The following ZNF532 variants were observed in gnomAD, a reference collection of about 807,000 sequenced individuals.
The protein encoded by ZNF532 is zinc finger protein 532.
In ZNF532, 22 loss-of-function variants were observed where a neutral mutation model predicts 89.3. The observed-to-expected ratio is 0.25, with a 90% CI of 0.18 to 0.35. The LOEUF is 0.35. ZNF532 is among the 10% of genes least tolerant of loss of function. The pLI is 1.00. For missense variants in ZNF532, 1,132 were observed against 1,643.4 expected, an observed-to-expected ratio of 0.69 and a Z score of 5.38; for synonymous variants, 606 against 649.6, an observed-to-expected ratio of 0.93 and a Z score of 1.02.
At chr18:58,934,660 C>A (rs778009440) in intron 4 of ZNF532, 46 bp downstream of exon 4, 4 of 1,565,096 alleles carry the variant, frequency 2.6e-6, no homozygotes, top group Non-Finnish European at 3.5e-6. Flanking sequence ...CGTTCACTTA[C>A]AACCGCACAG....
intron 7 of ZNF532, among the ~76,000 whole-genome samples, chr18:58,970,819 C>T (rs1452161052): frequency 6.6e-6 from 1 of 152,264 alleles, no homozygotes; most frequent in Non-Finnish European, 1.5e-5. Context: ...GAGGTGGACA[C>T]AGAGGCCCCT....
At chr18:58,932,816 T>A (rs1191296266) in intron 3 of ZNF532, among the ~76,000 whole-genome samples, 2 of 152,162 alleles carry the variant, frequency 1.3e-5, no homozygotes, top group African/African-American at 4.8e-5. Flanking sequence ...CCAATCTATA[T>A]ATTTTAATAT....
intron 2 of ZNF532, among the ~76,000 whole-genome samples, chr18:58,911,619 C>T (rs930598081): frequency 5.3e-5 from 8 of 152,078 alleles, no homozygotes; most frequent in African/African-American, 1.4e-4. Context: ...CCCAGAAGTT[C>T]GAGGCTGCAG....
At chr18:58,908,458 G>A (rs1452103891) in intron 2 of ZNF532, among the ~76,000 whole-genome samples, 2 of 152,084 alleles carry the variant, frequency 1.3e-5, no homozygotes, top group Non-Finnish European at 2.9e-5. Flanking sequence ...AAATAAACAG[G>A]AAATTCATCA....
chr18:58,886,038 G>T (rs12458643), intron 2 of ZNF532, among the ~76,000 whole-genome samples: 12,944 of 151,870 alleles, frequency 0.085, 1,091 homozygotes, highest in East Asian at 0.41. Context: ...GTGTAGTGGC[G>T]CCATCTCAGC....
chr18:58,895,851 T>G (rs2059210891), intron 2 of ZNF532, among the ~76,000 whole-genome samples: 1 of 148,460 alleles, frequency 6.7e-6, no homozygotes, highest in Non-Finnish European at 1.5e-5. Context: ...CTTTCTTTCT[T>G]TCTTTCTTTT....
intron 2 of ZNF532, among the ~76,000 whole-genome samples, chr18:58,897,326 GTTC>G (rs1270798710): frequency 6.6e-6 from 1 of 152,072 alleles, no homozygotes; most frequent in Non-Finnish European, 1.5e-5. Context: ...ACTGAGCAAG[GTTC>G]TTCTAAATGC....
rs776006583 is a variant in ZNF532 at position 58,918,538 on chromosome 18, C to T, written c.251C>T (p.Pro84Leu). Reference sequence around the variant, plus strand: ...GGCGGGGAGAAAGACGGCCACAACCCCACTGGCAATGGCTTACATAATGGG... The same window carrying T: ...GGCGGGGAGAAAGACGGCCACAACCTCACTGGCAATGGCTTACATAATGGG... Reference protein sequence around the residue: ...SEGGEKDGHNPTGNGLHNGFL... With the variant: ...SEGGEKDGHNLTGNGLHNGFL... The change falls in exon 3 of 10, where the codon CCC becomes CTC. Residue 84 changes from proline to leucine, a missense_variant. Physicochemically the swap from Pro to Leu is moderately conservative, Grantham distance 98. Around this residue, in one of 9 missense-constraint regions of ZNF532, gnomAD observed 302 missense variants for 319.8 expected, o/e 0.94. Transcript: ENST00000591808. The T allele has an allele frequency of 2.5e-6, 4 of 1,614,174 alleles. No individual in the cohort carries two copies. In the East Asian group the frequency reaches 6.7e-5, roughly 27 times the overall value.
chr18:58,874,376 C>T lies in ZNF532; in HGVS notation c.-18+8797C>T, dbSNP rs113850714. Among the ~76,000 whole-genome samples, 821 of 152,174 alleles carry T rather than the reference C, an allele frequency of 5.4e-3. 7 individuals carry two copies. The highest frequency in any genetic ancestry group is 0.019 in the African/African-American group (797 of 41,520). ...TTATTTTTTTTGAGAGATAGTTTTG[C>T]TCTTGTTGCCCAGGTTGGAGTGCAA... On this transcript the variant is annotated intron_variant, in intron 2 of 9. Transcript: ENST00000591808.
intron 2 of ZNF532, 75 bp from the exon 3 acceptor site, chr18:58,918,196 G>A (rs1233024099): frequency 2.3e-6 from 3 of 1,332,754 alleles, no homozygotes; most frequent in Non-Finnish European, 3.1e-6. Context: ...ATGTTAGTGT[G>A]AATTGTATAG....
At chr18:58,893,970 G>A (rs1217808155) in intron 2 of ZNF532, among the ~76,000 whole-genome samples, 2 of 152,222 alleles carry the variant, frequency 1.3e-5, no homozygotes, top group East Asian at 3.9e-4. Flanking sequence ...GTGGTAGTGA[G>A]ATAGAAGAAC....
chr18:58,961,635 A>G (rs1262977512), intron 7 of ZNF532, among the ~76,000 whole-genome samples: 1 of 152,244 alleles, frequency 6.6e-6, no homozygotes, highest in East Asian at 1.9e-4. Context: ...TAAGGTGGCC[A>G]CAGTGAATCT....
chr18:58,932,968 G>C (rs565519100), intron 3 of ZNF532, among the ~76,000 whole-genome samples: 12 of 152,142 alleles, frequency 7.9e-5, no homozygotes, highest in African/African-American at 2.9e-4. Context: ...CCAAGTAAGT[G>C]CAAGACATTT....
At chr18:58,963,530 C>T (rs2065570726) in intron 7 of ZNF532, among the ~76,000 whole-genome samples, 1 of 151,758 alleles carries the variant, frequency 6.6e-6, no homozygotes, top group Admixed American at 6.6e-5. Context: ...AGTTTGGGAC[C>T]ACCATGCTTA....
intron 5 of ZNF532, among the ~76,000 whole-genome samples, chr18:58,946,677 A>G (rs1603268066): frequency 6.6e-6 from 1 of 152,312 alleles, no homozygotes; most frequent in Admixed American, 6.5e-5. Context: ...CACACCTGCT[A>G]CGGTTAATGA....
intron 5 of ZNF532, among the ~76,000 whole-genome samples, chr18:58,945,773 G>A (rs1228448830): frequency 6.6e-6 from 1 of 151,616 alleles, no homozygotes; most frequent in Non-Finnish European, 1.5e-5. Flanking sequence ...CTGTCACCAG[G>A]CTAGAGTGCA....
chr18:58,956,039 T>C (rs2064741151), intron 7 of ZNF532, among the ~76,000 whole-genome samples: 1 of 152,246 alleles, frequency 6.6e-6, no homozygotes, highest in South Asian at 2.1e-4. Context: ...TCTTGTAACA[T>C]ATCAGAACTC....
At chr18:58,935,309 ACTC>A (rs1259665777) in intron 4 of ZNF532, among the ~76,000 whole-genome samples, 1 of 2,966 alleles carries the variant, frequency 3.4e-4, no homozygotes, top group Non-Finnish European at 6.2e-4. Flanking sequence ...CCTCCCCCTT[ACTC>A]CTCCTCCCTT....
chr18:58,869,762 G>GTTTTTT (rs59118998), intron 2 of ZNF532, among the ~76,000 whole-genome samples: 2 of 111,472 alleles, frequency 1.8e-5, no homozygotes, highest in East Asian at 2.8e-4. Context: ...TGGAAGATCT[G>GTTTTTT]TTTTTTTTTT....
Sources: allele counts gnomAD v4.1 joint callset (sites outside exome capture counted in the v4.1 genomes callset), GRCh38; gene constraint gnomAD v4.1.1; regional missense constraint gnomAD v4.1.1; transcripts MANE v1.5; gene names NCBI Gene and HGNC (gene_info 2026-07-23, HGNC 2026-07-21).